Variants in PDE4D observed in about 807,000 individuals in gnomAD.
The protein encoded by PDE4D is phosphodiesterase 4D.
PDE4D carries 24 observed loss-of-function variants against 87.4 expected under a neutral mutation model. The ratio of observed to expected loss-of-function variants is 0.27; its 90% CI spans 0.20 to 0.39. The LOEUF (loss-of-function observed/expected upper bound fraction) is 0.39, where lower values mean the gene tolerates loss of function less well. Ranked by LOEUF, PDE4D falls within the 10% of genes least tolerant of loss-of-function variation. PDE4D has a pLI of 1.00. For missense variants in PDE4D, 714 were observed against 1,041.0 expected, an observed-to-expected ratio of 0.69 and a Z score of 4.32; for synonymous variants, 384 against 383.2, an observed-to-expected ratio of 1.00 and a Z score of -0.02.
intron 6 of PDE4D, among the ~76,000 whole-genome samples, chr5:59,015,537 T>C (rs1753787254): frequency 6.6e-6 from 1 of 151,862 alleles, no homozygotes; most frequent in South Asian, 2.1e-4. Flanking sequence ...TCATCATGAC[T>C]GGCCATCAGA....
intron 5 of PDE4D, among the ~76,000 whole-genome samples, chr5:59,074,346 C>T (rs1765340237): frequency 6.6e-6 from 1 of 152,004 alleles, no homozygotes; most frequent in East Asian, 1.9e-4. Context: ...GAGCCCTAGA[C>T]TAGAAAAGTT....
chr5:59,020,878 T>G (rs563195898), intron 6 of PDE4D, among the ~76,000 whole-genome samples: 3 of 152,280 alleles, frequency 2.0e-5, no homozygotes, highest in African/African-American at 7.2e-5. Flanking sequence ...GACCTCATCC[T>G]GGGGCTAGAA....
At chr5:59,477,373 A>AAAATAT (rs1554190139) in intron 1 of PDE4D, among the ~76,000 whole-genome samples, 3 of 143,052 alleles carry the variant, frequency 2.1e-5, no homozygotes, top group Admixed American at 6.9e-5. Context: ...AAAAAAAAAA[A>AAAATAT]ATTAAAGAAT....
intron 1 of PDE4D, among the ~76,000 whole-genome samples, chr5:60,416,567 C>A (rs1742592020): frequency 6.6e-6 from 1 of 152,174 alleles, no homozygotes; most frequent in Non-Finnish European, 1.5e-5. Flanking sequence ...CCTGAGCCAG[C>A]AAGACCACGA....
chr5:60,083,999 C>A (rs766244509), intron 2 of PDE4D, among the ~76,000 whole-genome samples: 58 of 152,220 alleles, frequency 3.8e-4, no homozygotes, highest in African/African-American at 1.3e-3. Context: ...TTGTAAATTG[C>A]GAACTGAGGC....
intron 2 of PDE4D, chr5:60,030,979 T>C (rs1464700615): frequency 1.3e-5 from 2 of 152,250 alleles, no homozygotes; most frequent in Non-Finnish European, 2.9e-5. Context: ...TCCAGGGACA[T>C]GGTATGGACC....
At position 59,555,132 on chromosome 5, in the gene PDE4D, A is replaced by G. The variant is rs558930772; in HGVS notation, c.455+338036T>C. On this transcript the variant is annotated intron_variant, in intron 1 of 14. Transcript: ENST00000340635. ...CCCATCAATGGCAGATTGGATAAAG[A>G]AAATGTGGTACAGGTACATAATGGA... Among the ~76,000 whole-genome samples the G allele has an allele frequency of 3.7e-4, 57 of 152,340 alleles. 2 individuals are homozygous for G. The South Asian group carries it at 0.012, about 31-fold the overall frequency.
intron 1 of PDE4D, among the ~76,000 whole-genome samples, chr5:60,473,475 G>C (rs1748015252): frequency 6.6e-6 from 1 of 152,172 alleles, no homozygotes; most frequent in Admixed American, 6.5e-5. Context: ...ATATGTTAAA[G>C]AACAAGAGAA....
intron 1 of PDE4D, among the ~76,000 whole-genome samples, chr5:60,330,256 A>C (rs943606568): frequency 6.6e-6 from 1 of 152,224 alleles, no homozygotes; most frequent in African/African-American, 2.4e-5. Context: ...TAAGTATTCT[A>C]TGTACCAGGC....
At chr5:60,129,232 C>T (rs1393376844) in intron 2 of PDE4D, among the ~76,000 whole-genome samples, 2 of 152,138 alleles carry the variant, frequency 1.3e-5, no homozygotes, top group Admixed American at 6.5e-5. Context: ...GCAGAGATGC[C>T]GAGGAATCTT....
At chr5:59,708,474 C>T (rs1753761179) in intron 1 of PDE4D, among the ~76,000 whole-genome samples, 2 of 152,098 alleles carry the variant, frequency 1.3e-5, no homozygotes, top group Non-Finnish European at 2.9e-5. Flanking sequence ...AAATGATCTT[C>T]CATGTAAGAC....
chr5:60,360,486 C>A (rs1759968445), intron 1 of PDE4D, among the ~76,000 whole-genome samples: 2 of 152,192 alleles, frequency 1.3e-5, no homozygotes, highest in African/African-American at 2.4e-5. Flanking sequence ...ACAGCAATGG[C>A]AGAAAACCAG....
chr5:60,058,638 T>C (rs1485531872), intron 2 of PDE4D, among the ~76,000 whole-genome samples: 1 of 151,972 alleles, frequency 6.6e-6, no homozygotes, highest in Non-Finnish European at 1.5e-5. Flanking sequence ...AGCTCTTTTA[T>C]GGGATGGAAC....
chr5:60,372,336 A>G (rs1325686925), intron 1 of PDE4D, among the ~76,000 whole-genome samples: 1 of 152,214 alleles, frequency 6.6e-6, no homozygotes, highest in Non-Finnish European at 1.5e-5. Flanking sequence ...TGAGGAAAGA[A>G]GCAAGGGTCT....
chr5:59,099,163 T>G (rs1057192182), intron 5 of PDE4D, among the ~76,000 whole-genome samples: 1 of 152,230 alleles, frequency 6.6e-6, no homozygotes, highest in Admixed American at 6.5e-5. Context: ...AATTTCTCAA[T>G]CCTGGATGGA....
chr5:60,509,530 CTATTA>C (rs2150253961), intron 1 of PDE4D, among the ~76,000 whole-genome samples: 1 of 152,290 alleles, frequency 6.6e-6, no homozygotes, highest in Admixed American at 6.5e-5. Flanking sequence ...CTCCATTCAA[CTATTA>C]TTAGATCATT....
intron 1 of PDE4D, among the ~76,000 whole-genome samples, chr5:59,570,317 C>T (rs1383652925): frequency 1.3e-5 from 2 of 152,184 alleles, no homozygotes; most frequent in African/African-American, 4.8e-5. Flanking sequence ...AGTATTAATA[C>T]ATGCATTCCC....
chr5:59,065,790 T>C lies in PDE4D; in HGVS notation c.809-26819A>G, dbSNP rs144828673. ...ATTCACATCGGCATTTGGAAGTTAT[T>C]GAGACATTTCAACATAAGATTGTCC... is the stretch of plus-strand genomic sequence containing the variant. On this transcript the variant is annotated intron_variant, in intron 5 of 14. Transcript: ENST00000340635. Among the ~76,000 whole-genome samples, 644 of 152,292 alleles carry C rather than the reference T, an allele frequency of 4.2e-3. 9 individuals are homozygous for C. Among genetic ancestry groups the C allele is most frequent in the African/African-American group, 0.015 (606 of 41,566 alleles).
intron 1 of PDE4D, among the ~76,000 whole-genome samples, chr5:59,489,546 T>C (rs988813267): frequency 1.3e-5 from 2 of 152,202 alleles, no homozygotes; most frequent in African/African-American, 4.8e-5. Context: ...GAAGCCCACT[T>C]GGAAAATACA....
Sources: gnomAD v4.1 joint callset for allele counts (sites outside exome capture counted in the v4.1 genomes callset) on GRCh38, gnomAD v4.1.1 for gene constraint, MANE v1.5 for transcripts, NCBI Gene and HGNC (gene_info 2026-07-23, HGNC 2026-07-21) for gene names.